The following WWTR1 variants were observed in gnomAD, a reference collection of about 807,000 sequenced individuals.
The protein encoded by WWTR1 is WW domain-containing transcription regulator protein 1.
Under a neutral mutation model 40.1 loss-of-function variants are expected in WWTR1, and 13 were observed. The observed-to-expected ratio is 0.32, with a 90% CI of 0.21 to 0.52. The LOEUF (loss-of-function observed/expected upper bound fraction) is 0.52, where lower values mean the gene tolerates loss of function less well. Ranked by LOEUF, WWTR1 falls within the 20% of genes least tolerant of loss-of-function variation. The pLI, the probability that WWTR1 is intolerant of heterozygous loss-of-function variation, is 0.97. For synonymous variants in WWTR1, 230 were observed against 210.1 expected (o/e 1.09, Z -0.82); for missense variants, 436 against 523.1 (o/e 0.83, Z 1.63).
intron 2 of WWTR1, among the ~76,000 whole-genome samples, chr3:149,583,474 C>G (rs1369549): frequency 6.6e-6 from 1 of 152,124 alleles, no homozygotes; most frequent in Non-Finnish European, 1.5e-5. Flanking sequence ...GAGGCTGGGT[C>G]TACACATGCG....
intron 2 of WWTR1, among the ~76,000 whole-genome samples, chr3:149,585,215 C>G (rs1185669843): frequency 2.0e-5 from 3 of 151,596 alleles, no homozygotes; most frequent in African/African-American, 7.3e-5. Flanking sequence ...TCACTGCAAC[C>G]TTCACTTCCC....
chr3:149,617,378 A>T (rs1740029821), intron 2 of WWTR1, among the ~76,000 whole-genome samples: 1 of 152,158 alleles, frequency 6.6e-6, no homozygotes, highest in Non-Finnish European at 1.5e-5. Context: ...ATGCACACAC[A>T]GTGTGTGTGC....
Position 149,657,289 on chromosome 3 carries a change from C to G in WWTR1, c.18G>C (p.Ala6=). The G allele has an allele frequency of 6.2e-7, 1 of 1,611,188 alleles. No individual in the cohort carries two copies. Among genetic ancestry groups the G allele is most frequent in the African/African-American group, 1.3e-5 (1 of 75,006 alleles). ...GCCCAGGCGGCGGGAGCGGAGGGGG[C>G]GCCGAGGCCGGATTCATCTTCTGCA... is the stretch of plus-strand genomic sequence containing the variant. The part of the protein sequence containing the change: MNPAS[A]PPPLPPPGQQ... Residue 6 remains alanine (A), a synonymous_variant, in exon 2 of 7, where the codon GCG becomes GCC. Transcript: ENST00000360632.
intron 2 of WWTR1, among the ~76,000 whole-genome samples, chr3:149,618,302 A>C (rs562106375): frequency 5.3e-5 from 8 of 152,156 alleles, no homozygotes; most frequent in Non-Finnish European, 1.5e-5. Context: ...CAGCCAACAG[A>C]TACATCCGGG....
At chr3:149,665,168 C>T (rs1162097871) in intron 2 of WWTR1, among the ~76,000 whole-genome samples, 1 of 151,284 alleles carries the variant, frequency 6.6e-6, no homozygotes, top group Non-Finnish European at 1.5e-5. Flanking sequence ...GGGCATATTG[C>T]AGAGTTGCTC....
In WWTR1 at chr3:149,517,342, C is replaced by A. The variant is rs145878707; in HGVS notation, c.*3463G>T. On this transcript the variant is annotated 3_prime_UTR_variant, in exon 7 of 7. Coordinates refer to ENST00000360632, the MANE Select transcript of WWTR1 (RefSeq NM_015472.6). Reference sequence around the variant, plus strand: ...TCTGATCGATTTGGCTGCATACTTTCGGTACGTATAACATTCTAAACTTAA... The same window carrying A: ...TCTGATCGATTTGGCTGCATACTTTAGGTACGTATAACATTCTAAACTTAA... 1 of 152,106 alleles carries A rather than the reference C, an allele frequency of 6.6e-6. No individual in the cohort carries two copies. The highest frequency in any genetic ancestry group is 1.5e-5 in the Non-Finnish European group (1 of 68,010). The allele number at this position is 152,106 out of a possible 1,614,324, so 9.4% of individuals were successfully genotyped here.
At chr3:149,635,322 T>A (rs1711760826) in intron 2 of WWTR1, among the ~76,000 whole-genome samples, 1 of 152,262 alleles carries the variant, frequency 6.6e-6, no homozygotes, top group Admixed American at 6.5e-5. Flanking sequence ...TTAATTTATA[T>A]TAGGTCTTTG....
intron 2 of WWTR1, among the ~76,000 whole-genome samples, chr3:149,580,586 G>A (rs985612729): frequency 1.3e-5 from 2 of 152,176 alleles, no homozygotes; most frequent in Non-Finnish European, 2.9e-5. Context: ...ACCTGATCAT[G>A]TTTGTAATAC....
chr3:149,603,422 T>C (rs995980296), intron 2 of WWTR1, among the ~76,000 whole-genome samples: 1 of 152,216 alleles, frequency 6.6e-6, no homozygotes, highest in African/African-American at 2.4e-5. Flanking sequence ...TGCAGCATAT[T>C]AACCTCAAAT....
chr3:149,650,965 G>C (rs1250741779), intron 2 of WWTR1, among the ~76,000 whole-genome samples: 1 of 152,122 alleles, frequency 6.6e-6, no homozygotes, highest in South Asian at 2.1e-4. Context: ...ATTTTGGCTG[G>C]GTAAATAGGC....
At chr3:149,599,014 C>A (rs1013584864) in intron 2 of WWTR1, among the ~76,000 whole-genome samples, 1 of 152,090 alleles carries the variant, frequency 6.6e-6, no homozygotes, top group African/African-American at 2.4e-5. Flanking sequence ...ATCAAATTAT[C>A]TTTAATTGGC....
rs1734939629 is a variant in WWTR1, at chr3:149,519,452, C to A, written c.*1353G>T. On this transcript the variant is annotated 3_prime_UTR_variant, in exon 7 of 7. Coordinates refer to ENST00000360632, the MANE Select transcript of WWTR1 (RefSeq NM_015472.6). Reference sequence around the variant, plus strand: ...TAGAATTATTTTAAACACTTGAAATCTAGGAAGCAAACCTGACAAGGCTTC... The same window carrying A: ...TAGAATTATTTTAAACACTTGAAATATAGGAAGCAAACCTGACAAGGCTTC... The A allele has an allele frequency of 6.6e-6, 1 of 152,186 alleles. No individual in the cohort carries two copies. Among genetic ancestry groups the A allele is most frequent in the Non-Finnish European group, 1.5e-5 (1 of 68,038 alleles). The allele number at this position is 152,186 out of a possible 1,614,324, so 9.4% of individuals were successfully genotyped here.
intron 3 of WWTR1, among the ~76,000 whole-genome samples, chr3:149,558,766 A>C (rs543361486): frequency 6.6e-6 from 1 of 152,306 alleles, no homozygotes; most frequent in South Asian, 2.1e-4. Context: ...ATTCCTCAAA[A>C]ATGTCAAGGT....
intron 2 of WWTR1, among the ~76,000 whole-genome samples, chr3:149,632,289 C>T (rs1711584702): frequency 6.6e-6 from 1 of 151,626 alleles, no homozygotes; most frequent in Admixed American, 6.6e-5. Flanking sequence ...GTTGAGTTGC[C>T]CCAAGGCCAC....
At chr3:149,567,453 G>A (rs1239204459) in intron 3 of WWTR1, among the ~76,000 whole-genome samples, 1 of 152,088 alleles carries the variant, frequency 6.6e-6, no homozygotes, top group Non-Finnish European at 1.5e-5. Flanking sequence ...TGCTGTCCGA[G>A]GTTAAATGTT....
At chr3:149,569,998 G>T (rs1737542595) in intron 3 of WWTR1, among the ~76,000 whole-genome samples, 1 of 152,138 alleles carries the variant, frequency 6.6e-6, no homozygotes, top group African/African-American at 2.4e-5. Context: ...ATTTTTATAT[G>T]TTTAAAGATA....
At chr3:149,612,258 G>T (rs2108069446) in intron 2 of WWTR1, among the ~76,000 whole-genome samples, 1 of 152,058 alleles carries the variant, frequency 6.6e-6, no homozygotes, top group South Asian at 2.1e-4. Context: ...CAAAGACCAA[G>T]TTCGAGGTAC....
chr3:149,568,789 C>T (rs935627610), intron 3 of WWTR1, among the ~76,000 whole-genome samples: 4 of 152,164 alleles, frequency 2.6e-5, no homozygotes, highest in African/African-American at 2.4e-5. Context: ...GTTGTTGAGA[C>T]GGAGTCTCGC....
intron 3 of WWTR1, among the ~76,000 whole-genome samples, chr3:149,566,159 C>T (rs1029660889): frequency 1.3e-5 from 2 of 152,160 alleles, no homozygotes; most frequent in African/African-American, 4.8e-5. Flanking sequence ...TGAGACGCCC[C>T]AATCTCTACA....
Sources: allele counts gnomAD v4.1 joint callset (sites outside exome capture counted in the v4.1 genomes callset), GRCh38; gene constraint gnomAD v4.1.1; transcripts MANE v1.5; gene names NCBI Gene and HGNC (gene_info 2026-07-23, HGNC 2026-07-21).